The following P4HA2 variants were observed in gnomAD, a reference collection of about 807,000 sequenced individuals.
P4HA2 encodes prolyl 4-hydroxylase subunit alpha-2.
Under a neutral mutation model 76.9 loss-of-function variants are expected in P4HA2, and 46 were observed. That is an observed-to-expected ratio of 0.60 (90% CI 0.47 to 0.76). The LOEUF (loss-of-function observed/expected upper bound fraction) is 0.76. P4HA2 is among the 30% of genes least tolerant of loss of function. The pLI, the probability that P4HA2 is intolerant of heterozygous loss-of-function variation, is 0.00. For synonymous variants in P4HA2, 243 were observed against 254.0 expected (o/e 0.96, Z 0.41); for missense variants, 583 against 669.4 (o/e 0.87, Z 1.42).
At chr5:132,225,285 C>T (rs1473882191) in intron 1 of P4HA2, among the ~76,000 whole-genome samples, 1 of 152,218 alleles carries the variant, frequency 6.6e-6, no homozygotes, top group Non-Finnish European at 1.5e-5. Context: ...CTGCCAACTT[C>T]CATCTGCATA....
rs1438651230 is a variant in P4HA2, at chr5:132,209,168, C to T, written c.873G>A (p.Glu291=). ...VDYLPERDVY[E]SLCRGEGVKL... is the part of the protein sequence containing the mutation. ...TGACACCCTCCCCACGACAGAGGCTCTCGTAAACATCCCTCTCAGGCAGGT... is the reference window on the plus strand; with the variant it reads ...TGACACCCTCCCCACGACAGAGGCTTTCGTAAACATCCCTCTCAGGCAGGT... The change falls in exon 7 of 15, where the codon GAG becomes GAA. Residue 291 remains glutamate (E), a synonymous_variant. Transcript: ENST00000360568. 5.0e-6 allele frequency: 8 copies of T among 1,613,928 alleles called. No homozygotes were observed. Among genetic ancestry groups the T allele is most frequent in the Middle Eastern group, 1.7e-4 (1 of 6,026 alleles).
At chr5:132,203,399 C>A in intron 10 of P4HA2, 1 of 244,618 alleles carries the variant, frequency 4.1e-6, no homozygotes, top group Non-Finnish European at 8.1e-6. Flanking sequence ...AGAACCATGG[C>A]CTCTGAAGTC....
chr5:132,198,794 G>A, intron 11 of P4HA2, 85 bp downstream of exon 11: 1 of 933,734 alleles, frequency 1.1e-6, no homozygotes, highest in Non-Finnish European at 1.8e-6. Context: ...TACTGATGTG[G>A]AGGCTGAAAT....
chr5:132,225,353 A>G (rs1755227867), intron 1 of P4HA2, among the ~76,000 whole-genome samples: 1 of 152,136 alleles, frequency 6.6e-6, no homozygotes, highest in Non-Finnish European at 1.5e-5. Context: ...CCCTCTGCAC[A>G]CTATCAGCCA....
At chr5:132,207,980 G>T in intron 7 of P4HA2, 96 bp from the exon 8 acceptor site, 1 of 926,550 alleles carries the variant, frequency 1.1e-6, no homozygotes, top group Non-Finnish European at 1.6e-6. Flanking sequence ...CTCATGGCCA[G>T]CAGCTGCTCC....
At chr5:132,221,892 G>A (rs758811122) in intron 1 of P4HA2, among the ~76,000 whole-genome samples, 4 of 152,218 alleles carry the variant, frequency 2.6e-5, no homozygotes, top group Non-Finnish European at 4.4e-5. Flanking sequence ...TCAGGCGACT[G>A]GCACTGTTTC....
intron 12 of P4HA2, 157 bp downstream of exon 12, chr5:132,198,164 C>A: frequency 1.2e-6 from 2 of 1,613,178 alleles, no homozygotes; most frequent in African/African-American, 1.3e-5. Flanking sequence ...GCCCTCTGGA[C>A]CCAGGGTCCC....
In P4HA2 at chr5:132,195,004, A is replaced by G. The variant is rs371096180; in HGVS notation, c.1453T>C (p.Tyr485His). ...CCTTCCCCGCTCCGCAAGAGGTTGT[A>G]CCAGAACACAGCTGTACCCTGGGAA... ...WPKKGTAVFW[Y>H]NLLRSGEGDY... is the part of the protein sequence containing the mutation. Residue 485 changes from tyrosine to histidine, a missense_variant, in exon 14 of 15, where the codon TAC becomes CAC. Coordinates refer to ENST00000360568, the MANE Select transcript of P4HA2 (RefSeq NM_001017974.2). The G allele has an allele frequency of 5.0e-6, 8 of 1,611,738 alleles. No homozygotes were observed. Among genetic ancestry groups the G allele is most frequent in the Non-Finnish European group, 6.8e-6 (8 of 1,177,882 alleles).
At chr5:132,196,860 CAA>C (rs34410092) in intron 12 of P4HA2, among the ~76,000 whole-genome samples, 6 of 99,984 alleles carry the variant, frequency 6.0e-5, no homozygotes, top group Admixed American at 1.1e-4. Flanking sequence ...GAGTCTGTCT[CAA>C]AAAAAAAAAA....
At chr5:132,219,344 T>G (rs912043453) in intron 1 of P4HA2, among the ~76,000 whole-genome samples, 2 of 152,198 alleles carry the variant, frequency 1.3e-5, no homozygotes, top group Admixed American at 1.3e-4. Context: ...AAATATTTAC[T>G]GAAGACCTGC....
intron 5 of P4HA2, among the ~76,000 whole-genome samples, chr5:132,212,740 G>A (rs1325931026): frequency 6.6e-6 from 1 of 152,182 alleles, no homozygotes; most frequent in African/African-American, 2.4e-5. Flanking sequence ...AGAAGATGAG[G>A]TAAGGATGGA....
chr5:132,218,775 A>T, intron 1 of P4HA2, 131 bp from the exon 2 acceptor site: 1 of 603,550 alleles, frequency 1.7e-6, no homozygotes, highest in Non-Finnish European at 3.0e-6. Flanking sequence ...AGCACACAGA[A>T]GCTAAAAAGG....
intron 1 of P4HA2, among the ~76,000 whole-genome samples, chr5:132,220,584 T>C (rs549410859): frequency 1.2e-4 from 19 of 152,338 alleles, no homozygotes; most frequent in African/African-American, 4.1e-4. Flanking sequence ...AGTCTGTCCA[T>C]TCCTTTCAAA....
chr5:132,223,710 C>T (rs764996129), intron 1 of P4HA2, among the ~76,000 whole-genome samples: 24 of 152,202 alleles, frequency 1.6e-4, no homozygotes, highest in Non-Finnish European at 2.9e-4. Flanking sequence ...TTCATTTCTA[C>T]TATCTAATTC....
chr5:132,197,480 C>T (rs1172374881), intron 12 of P4HA2, among the ~76,000 whole-genome samples: 4 of 151,826 alleles, frequency 2.6e-5, no homozygotes, highest in Admixed American at 1.3e-4. Context: ...TTGTGGCTAG[C>T]GCCTATAATC....
chr5:132,194,406 TCAC>T (rs906766989), intron 14 of P4HA2, among the ~76,000 whole-genome samples: 2 of 152,170 alleles, frequency 1.3e-5, no homozygotes, highest in African/African-American at 4.8e-5. Flanking sequence ...TCTCCGAGGC[TCAC>T]CACAACTGCT....
In P4HA2 at chr5:132,191,319, C is replaced by T. The variant is rs159899; in HGVS notation, c.*1691G>A. Among the ~76,000 whole-genome samples the T allele has an allele frequency of 0.23, 34,539 of 151,400 alleles. 4,244 individuals are homozygous for T. The highest frequency in any genetic ancestry group is 0.33 in the African/African-American group (13,574 of 41,240). Reference sequence around the variant, plus strand: ...CGAGGTCAGGAGATCGAGACCATCCCGGCTAAAACGGTGAAACCCCGTCTC... The same window carrying T: ...CGAGGTCAGGAGATCGAGACCATCCTGGCTAAAACGGTGAAACCCCGTCTC... On this transcript the variant is annotated 3_prime_UTR_variant, in exon 15 of 15. Transcript: ENST00000360568.
chr5:132,197,249 G>A (rs577574901), intron 12 of P4HA2, among the ~76,000 whole-genome samples: 3 of 152,302 alleles, frequency 2.0e-5, no homozygotes, highest in Admixed American at 1.3e-4. Context: ...TCACTCTGAT[G>A]CCAAGGAGGG....
chr5:132,221,796 A>T (rs1754681312), intron 1 of P4HA2, among the ~76,000 whole-genome samples: 1 of 152,238 alleles, frequency 6.6e-6, no homozygotes, highest in South Asian at 2.1e-4. Context: ...ACAGACTCCA[A>T]ACGGGCCCTG....
Sources: allele counts gnomAD v4.1 joint callset (sites outside exome capture counted in the v4.1 genomes callset), GRCh38; gene constraint gnomAD v4.1.1; transcripts MANE v1.5; gene names NCBI Gene and HGNC (gene_info 2026-07-23, HGNC 2026-07-21).